The following SLC2A13 variants were observed in gnomAD, a reference collection of about 807,000 sequenced individuals.
SLC2A13 encodes the protein proton myo-inositol cotransporter.
SLC2A13 carries 32 observed loss-of-function variants against 64.4 expected under a neutral mutation model. The observed-to-expected ratio is 0.50, with a 90% CI of 0.37 to 0.67. The LOEUF is 0.67. SLC2A13 is among the 30% of genes least tolerant of loss of function. The pLI, the probability that SLC2A13 is intolerant of heterozygous loss-of-function variation, is 0.00. For synonymous variants in SLC2A13, 338 were observed against 327.1 expected (o/e 1.03, Z -0.36); for missense variants, 743 against 829.2 (o/e 0.90, Z 1.28).
chr12:39,859,355 A>G (rs986744990), intron 6 of SLC2A13, among the ~76,000 whole-genome samples: 1 of 135,470 alleles, frequency 7.4e-6, no homozygotes, highest in Non-Finnish European at 1.6e-5. Flanking sequence ...AAAAAAAGTG[A>G]TAGCATTATG....
At chr12:40,058,087 A>AGATAGATAGATAGATAGATAGATT (rs1555158666) in intron 1 of SLC2A13, among the ~76,000 whole-genome samples, 2 of 138,986 alleles carry the variant, frequency 1.4e-5, no homozygotes, top group Admixed American at 7.3e-5. Context: ...ATAGATAGAT[A>AGATAGATAGATAGATAGATAGATT]GATTGATTTA....
At chr12:40,016,212 C>T (rs1399253017) in intron 3 of SLC2A13, among the ~76,000 whole-genome samples, 1 of 152,074 alleles carries the variant, frequency 6.6e-6, no homozygotes, top group Non-Finnish European at 1.5e-5. Flanking sequence ...AAAAAAACTA[C>T]TCTTGAAATC....
At chr12:40,077,214 G>A (rs925206423) in intron 1 of SLC2A13, among the ~76,000 whole-genome samples, 2 of 151,912 alleles carry the variant, frequency 1.3e-5, no homozygotes, top group African/African-American at 4.8e-5. Context: ...TCTTCATCAT[G>A]GAATCTTTGC....
chr12:39,881,680 G>A (rs151182378), intron 4 of SLC2A13, among the ~76,000 whole-genome samples: 14 of 152,240 alleles, frequency 9.2e-5, no homozygotes, highest in East Asian at 1.9e-4. Flanking sequence ...AAGTCTAGAC[G>A]TGAGGCATAA....
rs1565567378 is a variant in SLC2A13 at position 39,968,802 on chromosome 12, A to ATATATATC, written c.926-17438_926-17437insGATATATA. Among the ~76,000 whole-genome samples, 42 of 130,366 alleles carry ATATATATC rather than the reference A, an allele frequency of 3.2e-4. 1 individual carries two copies. Among genetic ancestry groups the ATATATATC allele is most frequent in the African/African-American group, 1.3e-3 (39 of 30,842 alleles). 85.5% of individuals were successfully genotyped at this position (130,366 alleles called of 152,430 possible). A position where few individuals can be genotyped will look rare whatever the true frequency, so the allele number is the denominator to read the frequency against. ...TATATATATATATATATATATATAT[A>ATATATATC]TATATCTACATTATAATTTAAGTTC... On this transcript the variant is annotated intron_variant, in intron 3 of 9. Transcript: ENST00000280871.
At chr12:39,990,530 A>T (rs533670553) in intron 3 of SLC2A13, among the ~76,000 whole-genome samples, 1 of 152,208 alleles carries the variant, frequency 6.6e-6, no homozygotes, top group South Asian at 2.1e-4. Flanking sequence ...TGGGGATAGT[A>T]TCTCAGCACA....
chr12:39,974,517 C>G (rs1289667153), intron 3 of SLC2A13, among the ~76,000 whole-genome samples: 1 of 152,212 alleles, frequency 6.6e-6, no homozygotes, highest in Non-Finnish European at 1.5e-5. Flanking sequence ...TTACTGGGTT[C>G]TGATATTTAC....
chr12:40,005,862 C>T (rs1446352307), intron 3 of SLC2A13, among the ~76,000 whole-genome samples: 1 of 152,140 alleles, frequency 6.6e-6, no homozygotes, highest in Non-Finnish European at 1.5e-5. Flanking sequence ...ATTTTAAGTC[C>T]GTGGTTCTCA....
At chr12:39,893,690 G>A (rs537504714) in intron 4 of SLC2A13, among the ~76,000 whole-genome samples, 91 of 152,298 alleles carry the variant, frequency 6.0e-4, no homozygotes, top group Admixed American at 2.6e-3. Context: ...GATCTTTTAT[G>A]CAATAAAGAT....
At chr12:39,870,674 T>A (rs1002413395) in intron 5 of SLC2A13, among the ~76,000 whole-genome samples, 1 of 152,200 alleles carries the variant, frequency 6.6e-6, no homozygotes, top group African/African-American at 2.4e-5. Context: ...TCCTGGCTGT[T>A]GGCAATCATG....
At position 39,829,660 on chromosome 12, in the gene SLC2A13, G is replaced by C. The variant is rs146042915; in HGVS notation, c.1445+443C>G. ...ACTCCTGACCTCAAGTGATCTGCCT[G>C]CCTCAGCCTCCCAAAGTGCTGGGAT... On this transcript the variant is annotated intron_variant, in intron 7 of 9. Coordinates refer to ENST00000280871, the MANE Select transcript of SLC2A13 (RefSeq NM_052885.4). 244 of 169,312 alleles carry C rather than the reference G, an allele frequency of 1.4e-3. 1 individual carries two copies. The highest frequency in any genetic ancestry group is 5.7e-3 in the African/African-American group (240 of 41,806). The allele number at this position is 169,312 out of a possible 1,614,324, so 10.5% of individuals were successfully genotyped here.
chr12:39,879,024 G>C (rs1485027041), intron 4 of SLC2A13, among the ~76,000 whole-genome samples: 4 of 152,252 alleles, frequency 2.6e-5, no homozygotes, highest in Non-Finnish European at 2.9e-5. Flanking sequence ...ACTCAAAGGG[G>C]CCTGCCTAGG....
chr12:40,077,683 G>C (rs1174335751), intron 1 of SLC2A13, among the ~76,000 whole-genome samples: 3 of 152,092 alleles, frequency 2.0e-5, no homozygotes, highest in African/African-American at 7.2e-5. Flanking sequence ...TTCTAATTCT[G>C]TGAAAAATGA....
intron 4 of SLC2A13, among the ~76,000 whole-genome samples, chr12:39,897,920 A>G (rs992024962): frequency 6.6e-6 from 1 of 152,132 alleles, no homozygotes; most frequent in African/African-American, 2.4e-5. Context: ...TCTATGAAAT[A>G]TAAGAATTTT....
chr12:40,088,480 CT>C (rs1262676151), intron 1 of SLC2A13, among the ~76,000 whole-genome samples: 1 of 152,096 alleles, frequency 6.6e-6, no homozygotes, highest in Non-Finnish European at 1.5e-5. Context: ...TAATGGCTAC[CT>C]TTTGAGGAAA....
Position 40,105,843 on chromosome 12 carries a change from G to A in SLC2A13, c.-35C>T. On this transcript the variant is annotated 5_prime_UTR_variant, in exon 1 of 10. Coordinates refer to ENST00000280871, the MANE Select transcript of SLC2A13 (RefSeq NM_052885.4). This position sits in a 1 kb window ranked among gnomAD's most constrained non-coding sequence, Gnocchi z 4.2. ...GCCCGGGGCTGCCCGGGGGGACGCG[G>A]CTCCGCGGGCCGGCAGTCTCGGCGA... 7.4e-7 allele frequency: 1 copy of A among 1,359,862 alleles called. No homozygotes were observed. The highest frequency in any genetic ancestry group is 9.4e-7 in the Non-Finnish European group (1 of 1,058,644). The allele number at this position is 1,359,862 out of a possible 1,614,324, so 84.2% of individuals were successfully genotyped here.
At chr12:39,985,991 A>G (rs776520138) in intron 3 of SLC2A13, among the ~76,000 whole-genome samples, 1 of 152,118 alleles carries the variant, frequency 6.6e-6, no homozygotes, top group Admixed American at 6.5e-5. Flanking sequence ...AAGGCTCCAG[A>G]AGATTCACTG....
intron 3 of SLC2A13, among the ~76,000 whole-genome samples, chr12:39,981,960 T>G: frequency 1.7e-5 from 1 of 60,596 alleles, no homozygotes; most frequent in East Asian, 4.3e-4. Flanking sequence ...CAGCAGCACA[T>G]CAAAAAGCTT....
At chr12:40,029,668 T>C (rs1947875449) in intron 2 of SLC2A13, among the ~76,000 whole-genome samples, 1 of 152,196 alleles carries the variant, frequency 6.6e-6, no homozygotes, top group East Asian at 1.9e-4. Context: ...AGAAAAAATA[T>C]GATTATTACA....
Sources: allele counts gnomAD v4.1 joint callset (sites outside exome capture counted in the v4.1 genomes callset), GRCh38; gene constraint gnomAD v4.1.1; non-coding constraint Gnocchi (gnomAD v3.1); transcripts MANE v1.5; gene names NCBI Gene and HGNC (gene_info 2026-07-23, HGNC 2026-07-21).